The following HERC2 variants were observed in gnomAD, a reference collection of about 807,000 sequenced individuals.
HERC2 encodes HECT and RLD domain containing E3 ubiquitin protein ligase 2.
Under a neutral mutation model 537.7 loss-of-function variants are expected in HERC2, and 102 were observed. The observed-to-expected ratio is 0.19, with a 90% confidence interval of 0.16 to 0.22. The LOEUF is 0.22. HERC2 is among the 10% of genes least tolerant of loss of function. The pLI is 1.00. For missense variants in HERC2, 4,236 were observed against 6,198.2 expected (o/e 0.68, Z 10.63); for synonymous variants, 2,224 against 2,466.2 (o/e 0.90, Z 2.91).
intron 83 of HERC2, 77 bp downstream of exon 83, chr15:28,130,086 A>G (rs1889949222): frequency 1.9e-6 from 3 of 1,565,838 alleles, no homozygotes; most frequent in Non-Finnish European, 2.6e-6. Context: ...GCCCCCTTTT[A>G]AGGCTGCGCA....
chr15:28,196,097 T>C, intron 52 of HERC2, 118 bp downstream of exon 52: 1 of 881,182 alleles, frequency 1.1e-6, no homozygotes, highest in Non-Finnish European at 1.8e-6. Flanking sequence ...CTGTACTCAC[T>C]CTACAGAATT....
chr15:28,229,853 A>G lies in HERC2; in HGVS notation c.4810-6T>C, dbSNP rs771587679. 32 of 1,034,798 alleles carry G rather than the reference A, an allele frequency of 3.1e-5. No homozygotes were observed. The East Asian group carries it at 4.3e-4, about 14-fold the overall frequency. The allele number at this position is 1,034,798 out of a possible 1,614,324, so 64.1% of individuals were successfully genotyped here. ...AACAGCGGCTGCCATTTGTCCTAAC[A>G]AAGGAAAACAATTTTCATCATTAGT... On this transcript the variant is annotated splice_polypyrimidine_tract_variant and splice_region_variant and intron_variant, in intron 31 of 92. Transcript: ENST00000261609.
Position 28,169,838 on chromosome 15 carries a change from TAAAG to T in HERC2, c.10058-187_10058-184del, listed in dbSNP as rs370207454. On this transcript the variant is annotated intron_variant, in intron 65 of 92. Coordinates refer to ENST00000261609, the MANE Select transcript of HERC2 (RefSeq NM_004667.6). ...AGAAAACCACTTATCCATACTTCGA[TAAAG>T]AAGCTATTTTCAGCATAGTTCCACT... Among the ~76,000 whole-genome samples the T allele has an allele frequency of 4.7e-3, 714 of 152,342 alleles. 6 individuals carry two copies. The highest frequency in any genetic ancestry group is 0.016 in the African/African-American group (672 of 41,586).
chr15:28,220,927 C>T (rs1246129809), intron 36 of HERC2, among the ~76,000 whole-genome samples: 1 of 137,078 alleles, frequency 7.3e-6, no homozygotes, highest in African/African-American at 2.8e-5. Flanking sequence ...CCATGGCTCC[C>T]ACCAGACCTG....
At chr15:28,226,714 T>C (rs1233904887) in intron 35 of HERC2, among the ~76,000 whole-genome samples, 1 of 151,794 alleles carries the variant, frequency 6.6e-6, no homozygotes, top group Non-Finnish European at 1.5e-5. Context: ...GGATACGATA[T>C]CAAAAGCATA....
intron 89 of HERC2, 58 bp downstream of exon 89, chr15:28,115,371 A>G (rs1888111847): frequency 8.4e-7 from 1 of 1,187,564 alleles, no homozygotes; most frequent in African/African-American, 1.5e-5. Context: ...GACCCGCAGA[A>G]CAGACTGTGC....
intron 21 of HERC2, among the ~76,000 whole-genome samples, chr15:28,247,421 C>CTTT (rs71132843): frequency 9.3e-4 from 71 of 76,178 alleles, no homozygotes; most frequent in African/African-American, 1.7e-3. Context: ...CTACATGGTT[C>CTTT]TTTTTTTTTT....
chr15:28,227,960 G>C (rs766373566), intron 35 of HERC2, among the ~76,000 whole-genome samples: 24 of 152,118 alleles, frequency 1.6e-4, no homozygotes, highest in Non-Finnish European at 1.5e-5. Context: ...GGAGGGCAGA[G>C]GAGTGAGGAC....
At chr15:28,191,711 G>A (rs547027130) in intron 53 of HERC2, among the ~76,000 whole-genome samples, 7 of 152,286 alleles carry the variant, frequency 4.6e-5, no homozygotes, top group Admixed American at 3.3e-4. Context: ...AGGAAAAAAA[G>A]CCTGACCACA....
intron 70 of HERC2, among the ~76,000 whole-genome samples, chr15:28,150,522 C>G (rs1892333935): frequency 6.7e-6 from 1 of 149,558 alleles, no homozygotes; most frequent in African/African-American, 2.5e-5. Context: ...CGAGAACAGC[C>G]ACATGAACGT....
At chr15:28,163,931 C>A (rs1185735682) in intron 68 of HERC2, among the ~76,000 whole-genome samples, 2 of 152,180 alleles carry the variant, frequency 1.3e-5, no homozygotes, top group Admixed American at 6.5e-5. Context: ...CATCACTGCA[C>A]CCCCAGCTCC....
intron 57 of HERC2, among the ~76,000 whole-genome samples, chr15:28,180,723 T>C (rs1387107700): frequency 1.3e-5 from 2 of 152,218 alleles, no homozygotes; most frequent in Non-Finnish European, 2.9e-5. Context: ...CAACCACCCA[T>C]GGATTGAAAA....
chr15:28,130,455 A>T (rs1241963643), intron 82 of HERC2, 48 bp downstream of exon 82: 3 of 1,586,472 alleles, frequency 1.9e-6, no homozygotes, highest in Admixed American at 1.7e-5. Flanking sequence ...CACATACCCC[A>T]ATAAAAATCT....
chr15:28,284,571 A>T lies in HERC2; in HGVS notation c.323-4284T>A, dbSNP rs147859430. Reference sequence around the variant, plus strand: ...AAAAAGATCATGCAAACATTACTGAAAGGACAGCAGAAGTTGGCTACATTT... The same window carrying T: ...AAAAAGATCATGCAAACATTACTGATAGGACAGCAGAAGTTGGCTACATTT... On this transcript the variant is annotated intron_variant, in intron 4 of 92. Transcript: ENST00000261609. Among the ~76,000 whole-genome samples the T allele has an allele frequency of 5.7e-3, 872 of 152,258 alleles. 13 individuals carry two copies. Among genetic ancestry groups the T allele is most frequent in the South Asian group, 0.051 (245 of 4,814 alleles).
At chr15:28,269,561 A>C in intron 10 of HERC2, 125 bp from the exon 11 acceptor site, 1 of 733,996 alleles carries the variant, frequency 1.4e-6, no homozygotes, top group Admixed American at 2.7e-5. Context: ...GATTCAAAAC[A>C]TCAAAATAGC....
intron 4 of HERC2, among the ~76,000 whole-genome samples, chr15:28,291,617 T>C (rs1408785742): frequency 5.3e-5 from 8 of 151,850 alleles, no homozygotes; most frequent in Admixed American, 3.3e-4. Context: ...ATTTAAAAAA[T>C]TGAATTACAC....
At chr15:28,308,872 C>T (rs1365650026) in intron 2 of HERC2, among the ~76,000 whole-genome samples, 3 of 152,242 alleles carry the variant, frequency 2.0e-5, no homozygotes, top group Non-Finnish European at 4.4e-5. Context: ...GTTGAACCAT[C>T]CTTGTACCCC....
intron 52 of HERC2, among the ~76,000 whole-genome samples, chr15:28,194,626 C>T (rs1273156343): frequency 6.6e-6 from 1 of 151,760 alleles, no homozygotes; most frequent in South Asian, 2.1e-4. Context: ...CTGTGCCTGG[C>T]CGATCCTTTG....
At chr15:28,173,933 A>G (rs1272496477) in intron 65 of HERC2, among the ~76,000 whole-genome samples, 1 of 152,118 alleles carries the variant, frequency 6.6e-6, no homozygotes. Context: ...ACAGAGGGCC[A>G]GAGAGGAACG....
Sources: allele counts gnomAD v4.1 joint callset (sites outside exome capture counted in the v4.1 genomes callset), GRCh38; gene constraint gnomAD v4.1.1; transcripts MANE v1.5; gene names NCBI Gene and HGNC (gene_info 2026-07-23, HGNC 2026-07-21).